Variants in PRKACB observed in about 807,000 individuals in gnomAD.
The protein encoded by PRKACB is protein kinase cAMP-activated catalytic subunit beta.
PRKACB carries 16 observed loss-of-function variants against 51.4 expected under a neutral mutation model. The ratio of observed to expected loss-of-function variants is 0.31; its 90% CI spans 0.21 to 0.47. The LOEUF (loss-of-function observed/expected upper bound fraction) is 0.47. Ranked by LOEUF, PRKACB falls within the 20% of genes least tolerant of loss-of-function variation. PRKACB has a pLI of 1.00. For missense variants in PRKACB, 309 were observed against 464.5 expected, an observed-to-expected ratio of 0.67 and a Z score of 3.08; for synonymous variants, 147 against 154.4, an observed-to-expected ratio of 0.95 and a Z score of 0.35.
At position 84,214,746 on chromosome 1, in the gene PRKACB, C is replaced by T. The variant is rs561483117; in HGVS notation, c.1071+429C>T. Among the ~76,000 whole-genome samples, 45 of 152,174 alleles carry T rather than the reference C, an allele frequency of 3.0e-4. 1 individual carries two copies. The South Asian group carries it at 8.9e-3, about 30-fold the overall frequency. The stretch of plus-strand genomic sequence containing the variant: ...CTGACCTCAAGTGATCTGCCCACCT[C>T]GGCCTCCCAAAGAGCTGGGATTACA... On this transcript the variant is annotated intron_variant, in intron 9 of 9. Transcript: ENST00000370685.
At chr1:84,209,830 A>T (rs1334876874) in intron 8 of PRKACB, among the ~76,000 whole-genome samples, 2 of 152,218 alleles carry the variant, frequency 1.3e-5, no homozygotes, top group Non-Finnish European at 2.9e-5. Context: ...CCTGAGATAT[A>T]TTAGTAAGCA....
intron 9 of PRKACB, among the ~76,000 whole-genome samples, chr1:84,226,306 G>A (rs1445389100): frequency 7.7e-6 from 1 of 129,484 alleles, no homozygotes; most frequent in African/African-American, 2.7e-5. Context: ...AAGATTTATT[G>A]AATTTGGGGA....
Position 84,112,256 on chromosome 1 carries a change from G to A in PRKACB, c.46+33885G>A, listed in dbSNP as rs577649695. Among the ~76,000 whole-genome samples the A allele has an allele frequency of 1.6e-3, 210 of 131,630 alleles. 2 individuals are homozygous for A. The highest frequency in any genetic ancestry group is 0.013 in the Admixed American group (153 of 11,380). 86.4% of individuals were successfully genotyped at this position (131,630 alleles called of 152,430 possible). The stretch of plus-strand genomic sequence containing the variant: ...TTTTTTTTTTTTTTTTGTTTGATAC[G>A]GAATCTCACTCTGTCTCCCAGGCCG... On this transcript the variant is annotated intron_variant, in intron 1 of 8. Coordinates refer to the PRKACB transcript ENST00000370688.
At chr1:84,215,847 GT>G (rs1285522482) in intron 9 of PRKACB, among the ~76,000 whole-genome samples, 2 of 151,536 alleles carry the variant, frequency 1.3e-5, no homozygotes, top group African/African-American at 4.9e-5. Flanking sequence ...TGAATAAAGT[GT>G]TTTCATTTTG....
intron 1 of PRKACB, among the ~76,000 whole-genome samples, chr1:84,132,037 G>A (rs1652271586): frequency 6.6e-6 from 1 of 152,154 alleles, no homozygotes; most frequent in Non-Finnish European, 1.5e-5. Context: ...ATCCTGGTTT[G>A]GGGAGGGCAT....
chr1:84,189,551 G>A (rs1217687717), intron 5 of PRKACB, among the ~76,000 whole-genome samples: 1 of 151,706 alleles, frequency 6.6e-6, no homozygotes, highest in Non-Finnish European at 1.5e-5. Flanking sequence ...TCAAGAAAGA[G>A]AAGGGGATGT....
intron 6 of PRKACB, 22 bp from the exon 7 acceptor site, chr1:84,197,707 G>A: frequency 6.7e-7 from 1 of 1,502,560 alleles, no homozygotes; most frequent in Non-Finnish European, 9.2e-7. Flanking sequence ...ATTTTCACTA[G>A]TATTCTTTTT....
At chr1:84,123,225 A>T (rs1252105280) in intron 1 of PRKACB, among the ~76,000 whole-genome samples, 1 of 152,198 alleles carries the variant, frequency 6.6e-6, no homozygotes, top group Non-Finnish European at 1.5e-5. Flanking sequence ...CTCCCAGGGT[A>T]TGGAGTTGTA....
chr1:84,167,657 C>T (rs1481244885), intron 1 of PRKACB, among the ~76,000 whole-genome samples: 3 of 151,478 alleles, frequency 2.0e-5, no homozygotes, highest in Non-Finnish European at 4.4e-5. Context: ...CCCCAGTACC[C>T]CAAACACAGC....
rs537002352 is a variant in PRKACB at position 84,169,497 on chromosome 1, AAATT to A, written c.188-9676_188-9673del. On this transcript the variant is annotated intron_variant, in intron 1 of 9. Transcript: ENST00000370685. ...ACCAGAATAATCATTGCAGAAAAGT[AAATT>A]AATAATGTGAAGATCTCTCCAGATA... 2.1e-3 allele frequency among the ~76,000 whole-genome samples: 323 copies of A among 151,894 alleles called. 1 individual carries two copies. Among genetic ancestry groups the A allele is most frequent in the African/African-American group, 7.5e-3 (311 of 41,540 alleles).
chr1:84,142,618 G>A (rs908096044), upstream of PRKACB, among the ~76,000 whole-genome samples: 1 of 152,126 alleles, frequency 6.6e-6, no homozygotes, highest in Admixed American at 6.5e-5. Flanking sequence ...ACAAAACAAA[G>A]TATACAGAAA....
intron 1 of PRKACB, among the ~76,000 whole-genome samples, chr1:84,133,901 A>G (rs1483604726): frequency 6.6e-6 from 1 of 152,168 alleles, no homozygotes; most frequent in Non-Finnish European, 1.5e-5. Context: ...ACAAGTTCAG[A>G]GAGTGTGATA....
chr1:84,179,396 TATTA>T (rs1157746028), intron 2 of PRKACB, among the ~76,000 whole-genome samples, 158 bp downstream of exon 2: 1 of 151,936 alleles, frequency 6.6e-6, no homozygotes, highest in Non-Finnish European at 1.5e-5. Context: ...TACTTTGATG[TATTA>T]ATTAATAATC....
At chr1:84,095,638 T>A (rs1412646371) in intron 1 of PRKACB, among the ~76,000 whole-genome samples, 2 of 151,978 alleles carry the variant, frequency 1.3e-5, no homozygotes, top group Non-Finnish European at 2.9e-5. Flanking sequence ...TACTTTCTGT[T>A]TGCAACTTTT....
chr1:84,175,219 T>G (rs1660825677), intron 1 of PRKACB, among the ~76,000 whole-genome samples: 1 of 151,756 alleles, frequency 6.6e-6, no homozygotes, highest in Non-Finnish European at 1.5e-5. Context: ...TTGTTGGGTT[T>G]TATCTATATA....
chr1:84,231,637 G>T (rs1045616814), intron 9 of PRKACB, among the ~76,000 whole-genome samples: 7 of 152,196 alleles, frequency 4.6e-5, no homozygotes, highest in East Asian at 1.9e-4. Flanking sequence ...ACTTCTTCCT[G>T]GTTTAGTCTT....
chr1:84,162,312 T>A (rs762528373), intron 1 of PRKACB, among the ~76,000 whole-genome samples: 2 of 152,080 alleles, frequency 1.3e-5, no homozygotes, highest in Non-Finnish European at 2.9e-5. Flanking sequence ...GCTTCTTGGA[T>A]CCATAGGTTA....
At chr1:84,109,882 A>AT in intron 1 of PRKACB, among the ~76,000 whole-genome samples, 1 of 151,800 alleles carries the variant, frequency 6.6e-6, no homozygotes, top group Non-Finnish European at 1.5e-5. Context: ...CCCTTTTCTG[A>AT]TTATATATGT....
At chr1:84,111,613 G>GT (rs1650234663) in intron 1 of PRKACB, among the ~76,000 whole-genome samples, 1 of 151,808 alleles carries the variant, frequency 6.6e-6, no homozygotes, top group Non-Finnish European at 1.5e-5. Context: ...ATTCTACTGG[G>GT]TAAGTATATG....
Sources: allele counts gnomAD v4.1 joint callset (sites outside exome capture counted in the v4.1 genomes callset), GRCh38; gene constraint gnomAD v4.1.1; transcripts MANE v1.5; gene names NCBI Gene and HGNC (gene_info 2026-07-23, HGNC 2026-07-21).